FAT4: variants seen among roughly 807,000 people sequenced by gnomAD.
FAT4 encodes the protein protocadherin Fat 4.
Under a neutral mutation model 303.9 loss-of-function variants are expected in FAT4, and 84 were observed. The observed-to-expected ratio is 0.28, with a 90% CI of 0.23 to 0.33. The LOEUF (loss-of-function observed/expected upper bound fraction) is 0.33, where lower values mean the gene tolerates loss of function less well. Ranked by LOEUF, FAT4 falls within the 10% of genes least tolerant of loss-of-function variation. The pLI, the probability that FAT4 is intolerant of heterozygous loss-of-function variation, is 1.00. For synonymous variants in FAT4, 2,307 were observed against 2,298.8 expected (o/e 1.00, Z -0.10); for missense variants, 6,005 against 6,146.8 (o/e 0.98, Z 0.77).
Position 125,450,496 on chromosome 4 carries a change from C to A in FAT4, c.9486C>A (p.His3162Gln). ...KALDYELCQK[H>Q]EMTISAIDGG... ...TTGATTATGAGCTATGCCAGAAACA[C>A]GAAATGACGATTAGTGCTATAGATG... The change falls in exon 10 of 18, where the codon CAC (histidine) becomes CAA (glutamine). Residue 3162 changes from histidine (H) to glutamine (Q), a missense_variant. Transcript: ENST00000394329. 1 of 1,614,044 alleles carries A rather than the reference C, an allele frequency of 6.2e-7. No individual in the cohort carries two copies. Among genetic ancestry groups the A allele is most frequent in the Non-Finnish European group, 8.5e-7 (1 of 1,180,004 alleles).
chr4:125,322,306 T>TA (rs1004911002), intron 2 of FAT4, among the ~76,000 whole-genome samples: 10 of 152,184 alleles, frequency 6.6e-5, no homozygotes, highest in African/African-American at 2.4e-4. Flanking sequence ...ATGGGATAGA[T>TA]ACACTCTGTT....
In FAT4 at chr4:125,407,082, A is replaced by G; in HGVS notation, c.5510A>G (p.His1837Arg). 5.6e-6 allele frequency: 9 copies of G among 1,613,806 alleles called. No homozygotes were observed. Among genetic ancestry groups the G allele is most frequent in the Non-Finnish European group, 6.8e-6 (8 of 1,179,814 alleles). The change falls in exon 4 of 18, where the codon CAT (histidine) becomes CGT (arginine). Residue 1837 changes from histidine to arginine, a missense_variant. By Grantham distance (29) the His-to-Arg change is conservative. Coordinates refer to ENST00000394329, the MANE Select transcript of FAT4 (RefSeq NM_001291303.3). Reference protein sequence around the residue: ...INITVSDVNDHTPKFSRPVYS... With the variant: ...INITVSDVNDRTPKFSRPVYS... ...ATCACTGTCAGTGATGTGAATGACC[A>G]TACACCCAAATTTTCCAGACCCGTG...
In FAT4 at chr4:125,463,495, T is replaced by A. The variant is rs1358189635; in HGVS notation, c.11801-68T>A. 5.8e-6 allele frequency: 5 copies of A among 866,144 alleles called. No individual in the cohort carries two copies. The African/African-American group carries it at 8.6e-5, about 15-fold the overall frequency. 53.7% of individuals were successfully genotyped at this position (866,144 alleles called of 1,614,324 possible). On this transcript the variant is annotated intron_variant, in intron 10 of 17. Coordinates refer to ENST00000394329, the MANE Select transcript of FAT4 (RefSeq NM_001291303.3). ...CCTTAGGAAAGATTTTTACGTATGG[T>A]AATGGTGTAACGGTGTTAATATATT...
rs754105938 is a variant in FAT4 at position 125,452,182 on chromosome 4, A to G, written c.11172A>G (p.Val3724=). The change falls in exon 10 of 18, where the codon GTA becomes GTG. Residue 3724 remains valine, a synonymous_variant. Transcript: ENST00000394329. ...SILLRLGVPT[V]KDFLTNHYLH... ...TACTTCGTCTCGGCGTACCAACAGT[A>G]AAGGACTTCTTGACCAACCACTATC... 1.2e-6 allele frequency: 2 copies of G among 1,614,256 alleles called. No homozygotes were observed. The highest frequency in any genetic ancestry group is 2.2e-5 in the South Asian group (2 of 91,084).
chr4:125,486,026 A>T lies in FAT4; in HGVS notation c.12823-1319A>T, dbSNP rs569620787. Among the ~76,000 whole-genome samples the T allele has an allele frequency of 2.0e-5, 3 of 152,298 alleles. No individual in the cohort carries two copies. In the East Asian group the frequency reaches 5.8e-4, roughly 29 times the overall value. ...TAAGAATGTTATAATGGGAACTTAT[A>T]TTCTTATCCACCCCAATTTGTGGTA... On this transcript the variant is annotated intron_variant, in intron 16 of 17. Transcript: ENST00000394329.
At chr4:125,470,885 A>G (rs557463537) in intron 12 of FAT4, among the ~76,000 whole-genome samples, 2 of 152,332 alleles carry the variant, frequency 1.3e-5, no homozygotes, top group East Asian at 3.9e-4. Flanking sequence ...ACTATTTGGC[A>G]CAAGAAGCCT....
At chr4:125,373,443 T>C (rs1733200296) in intron 2 of FAT4, among the ~76,000 whole-genome samples, 1 of 152,170 alleles carries the variant, frequency 6.6e-6, no homozygotes, top group Non-Finnish European at 1.5e-5. Context: ...TTTAAAAAGT[T>C]TGATATTTAT....
At chr4:125,442,198 A>G (rs1373264641) in intron 8 of FAT4, among the ~76,000 whole-genome samples, 1 of 152,114 alleles carries the variant, frequency 6.6e-6, no homozygotes, top group Non-Finnish European at 1.5e-5. Flanking sequence ...CTTATGTTAA[A>G]TTTACCTTTC....
chr4:125,405,290 T>G (rs1183057128), intron 3 of FAT4, among the ~76,000 whole-genome samples: 2 of 152,078 alleles, frequency 1.3e-5, no homozygotes, highest in Non-Finnish European at 2.9e-5. Flanking sequence ...CTATTTGTTA[T>G]TTTTTTGAGG....
intron 2 of FAT4, among the ~76,000 whole-genome samples, chr4:125,327,124 A>G (rs1379255293): frequency 6.6e-6 from 1 of 152,188 alleles, no homozygotes; most frequent in African/African-American, 2.4e-5. Flanking sequence ...TTACATCCCT[A>G]GGCATCATTA....
intron 2 of FAT4, among the ~76,000 whole-genome samples, chr4:125,343,450 C>CA (rs1731877468): frequency 6.6e-6 from 1 of 151,790 alleles, no homozygotes; most frequent in Admixed American, 6.6e-5. Flanking sequence ...GCCCCTAAAT[C>CA]AGTCAGGAAT....
chr4:125,453,209 G>T (rs1311148778), intron 10 of FAT4, among the ~76,000 whole-genome samples: 1 of 152,084 alleles, frequency 6.6e-6, no homozygotes, highest in Non-Finnish European at 1.5e-5. Flanking sequence ...ACTTAAAAGA[G>T]TATTCTAGAT....
intron 9 of FAT4, among the ~76,000 whole-genome samples, chr4:125,446,963 TTGTCAGTGGAAAA>T (rs1725848092): frequency 6.6e-6 from 1 of 152,058 alleles, no homozygotes; most frequent in Non-Finnish European, 1.5e-5. Context: ...TCAACTATGT[TTGTCAGTGGAAAA>T]TGAATATTTG....
At chr4:125,339,878 A>ATTT (rs1731714844) in intron 2 of FAT4, among the ~76,000 whole-genome samples, 2 of 152,164 alleles carry the variant, frequency 1.3e-5, no homozygotes, top group Admixed American at 6.5e-5. Flanking sequence ...TTAAAAAAAT[A>ATTT]ATATTTTATT....
chr4:125,381,040 C>A (rs1396693), intron 2 of FAT4, among the ~76,000 whole-genome samples: 20 of 152,240 alleles, frequency 1.3e-4, no homozygotes, highest in African/African-American at 4.6e-4. Context: ...ATAAAACTAA[C>A]GTTAGTAGTC....
At chr4:125,375,433 A>T (rs1197421745) in intron 2 of FAT4, among the ~76,000 whole-genome samples, 1 of 152,200 alleles carries the variant, frequency 6.6e-6, no homozygotes, top group Non-Finnish European at 1.5e-5. Flanking sequence ...TCCAATGAGC[A>T]TTGGCTTGGA....
intron 2 of FAT4, among the ~76,000 whole-genome samples, chr4:125,331,120 A>G (rs950945665): frequency 6.6e-6 from 1 of 151,636 alleles, no homozygotes; most frequent in African/African-American, 2.4e-5. Flanking sequence ...CTTTTTTCTT[A>G]TCATCACCCG....
intron 2 of FAT4, among the ~76,000 whole-genome samples, chr4:125,342,104 G>A: frequency 6.6e-6 from 1 of 151,790 alleles, no homozygotes; most frequent in Non-Finnish European, 1.5e-5. Context: ...AATGAGCTTG[G>A]CATTATTGAA....
chr4:125,485,106 T>A (rs952925384), intron 16 of FAT4, among the ~76,000 whole-genome samples: 1 of 152,130 alleles, frequency 6.6e-6, no homozygotes, highest in African/African-American at 2.4e-5. Context: ...TGAAAGTTGC[T>A]CTGAGTCAGA....
Sources: gnomAD v4.1 joint callset for allele counts (sites outside exome capture counted in the v4.1 genomes callset) on GRCh38, gnomAD v4.1.1 for gene constraint, MANE v1.5 for transcripts, NCBI Gene and HGNC (gene_info 2026-07-23, HGNC 2026-07-21) for gene names.